The following XYLB variants were observed in gnomAD, a reference collection of about 807,000 sequenced individuals.
XYLB encodes xylulokinase, also known as xylulose kinase.
Under a neutral mutation model 78.7 loss-of-function variants are expected in XYLB, and 62 were observed. The ratio of observed to expected loss-of-function variants is 0.79; its 90% CI spans 0.64 to 0.97. The LOEUF (loss-of-function observed/expected upper bound fraction) is 0.97, where lower values mean the gene tolerates loss of function less well. Ranked by LOEUF, XYLB falls within the 50% of genes least tolerant of loss-of-function variation. The pLI is 0.00. For missense variants in XYLB, 687 were observed against 676.8 expected (o/e 1.02, Z -0.17); for synonymous variants, 245 against 247.4 (o/e 0.99, Z 0.09).
intron 15 of XYLB, among the ~76,000 whole-genome samples, chr3:38,381,456 A>T (rs1707140900): frequency 6.6e-6 from 1 of 152,252 alleles, no homozygotes; most frequent in South Asian, 2.1e-4. Context: ...GAACAGGATA[A>T]CAGCAATTGT....
chr3:38,415,824 G>A (rs150348784), downstream of XYLB, among the ~76,000 whole-genome samples: 658 of 152,216 alleles, frequency 4.3e-3, 5 homozygotes, highest in Middle Eastern at 0.034. Flanking sequence ...AATTTATAAA[G>A]AAAAGAGGTT....
At chr3:38,363,442 T>C (rs1250196786) in intron 4 of XYLB, among the ~76,000 whole-genome samples, 4 of 37,968 alleles carry the variant, frequency 1.1e-4, no homozygotes, top group South Asian at 2.2e-3. Context: ...TCAGAGGACA[T>C]TGACTGAGCA....
intron 15 of XYLB, among the ~76,000 whole-genome samples, chr3:38,379,811 C>T (rs1707060503): frequency 6.6e-6 from 1 of 152,214 alleles, no homozygotes; most frequent in Non-Finnish European, 1.5e-5. Flanking sequence ...ACTGTCAAAA[C>T]TCGGAAGACT....
At chr3:38,372,602 G>C (rs1706626983) in intron 9 of XYLB, 53 bp from the exon 10 acceptor site, 2 of 1,613,268 alleles carry the variant, frequency 1.2e-6, no homozygotes, top group African/African-American at 1.3e-5. Flanking sequence ...GGCTGTGCTG[G>C]GCAGGCGGGA....
In XYLB at chr3:38,365,712, C is replaced by T. The variant is rs1445415624; in HGVS notation, c.483C>T (p.Cys161=). 1 of 1,613,562 alleles carries T rather than the reference C, an allele frequency of 6.2e-7. No individual in the cohort carries two copies. The highest frequency in any genetic ancestry group is 1.7e-5 in the Admixed American group (1 of 59,990). Residue 161 remains cysteine (C), a synonymous_variant, in exon 6 of 19, where the codon TGC becomes TGT. Transcript: ENST00000207870. ...AAVGGAQALS[C]LTGSRAYERF... ...TGGGTGGTGCTCAGGCTCTCAGCTG[C>T]CTCACGGGGTCCCGTGCCTATGAGG... is the stretch of plus-strand genomic sequence containing the variant.
chr3:38,432,768 G>A, the XYLB span, among the ~76,000 whole-genome samples: 13 of 152,254 alleles, frequency 8.5e-5, no homozygotes, highest in African/African-American at 2.7e-4. Context: ...TGATGCAAGA[G>A]GTGGGCCCCC....
chr3:38,370,827 G>A lies in XYLB; in HGVS notation c.765+653G>A, dbSNP rs145511931. ...TGGACACTGGCTGTGAATGCCCTGG[G>A]GTGTTCTACTTGGCCAGCCCTGTTC... On this transcript the variant is annotated intron_variant, in intron 9 of 18. Coordinates refer to ENST00000207870, the MANE Select transcript of XYLB (RefSeq NM_005108.4). Among the ~76,000 whole-genome samples the A allele has an allele frequency of 5.1e-3, 773 of 152,298 alleles. 3 individuals are homozygous for A. Among genetic ancestry groups the A allele is most frequent in the Middle Eastern group, 0.017 (5 of 294 alleles).
Position 38,412,972 on chromosome 3 carries a change from G to A in XYLB, c.1570G>A (p.Glu524Lys), listed in dbSNP as rs1179648248. 3 of 1,605,192 alleles carry A rather than the reference G, an allele frequency of 1.9e-6. No homozygotes were observed. The highest frequency in any genetic ancestry group is 1.3e-5 in the African/African-American group (1 of 74,206). ...EALLPQYAKL[E>K]QRILSQTRGP... is the part of the protein sequence containing the mutation. ...CCTTCTCCCCCAGTATGCCAAACTCGAGCAGAGAATCTTGTCTCAGACCCG... is the reference window on the plus strand; with the variant it reads ...CCTTCTCCCCCAGTATGCCAAACTCAAGCAGAGAATCTTGTCTCAGACCCG... The change falls in exon 19 of 19, where the codon GAG (glutamate) becomes AAG (lysine). Residue 524 changes from glutamate to lysine, a missense_variant. Physicochemically the swap from Glu to Lys is moderately conservative, Grantham distance 56 (BLOSUM62 1). Coordinates refer to ENST00000207870, the MANE Select transcript of XYLB (RefSeq NM_005108.4).
chr3:38,447,773 C>A, the XYLB span, among the ~76,000 whole-genome samples: 1 of 152,060 alleles, frequency 6.6e-6, no homozygotes, highest in Non-Finnish European at 1.5e-5. Flanking sequence ...GAAAAGGAAT[C>A]AATATATTAA....
intron 18 of XYLB, among the ~76,000 whole-genome samples, chr3:38,402,236 G>A (rs753032329): frequency 1.3e-5 from 2 of 152,138 alleles, no homozygotes; most frequent in Non-Finnish European, 2.9e-5. Flanking sequence ...CACCAAAGGA[G>A]ACATTATCCT....
At chr3:38,411,446 A>G (rs1225551007) in intron 18 of XYLB, among the ~76,000 whole-genome samples, 2 of 151,984 alleles carry the variant, frequency 1.3e-5, no homozygotes, top group Non-Finnish European at 2.9e-5. Context: ...CGAGTTAATG[A>G]GTGCAGCACA....
the XYLB span, among the ~76,000 whole-genome samples, chr3:38,448,860 A>C: frequency 1.3e-5 from 2 of 152,170 alleles, no homozygotes; most frequent in South Asian, 4.1e-4. Flanking sequence ...GGGTGGAGCT[A>C]AACATTTCCC....
chr3:38,409,877 TA>T (rs1708499640), intron 18 of XYLB, among the ~76,000 whole-genome samples: 1 of 151,958 alleles, frequency 6.6e-6, no homozygotes, highest in Non-Finnish European at 1.5e-5. Context: ...CTCAATGAAA[TA>T]AAAGAGGTTA....
At chr3:38,372,316 T>C (rs536243452) in intron 9 of XYLB, 178 of 919,098 alleles carry the variant, frequency 1.9e-4, no homozygotes, top group Admixed American at 1.6e-3. Context: ...GTTACCTTTT[T>C]TTTTTTAATG....
intron 15 of XYLB, among the ~76,000 whole-genome samples, chr3:38,394,453 G>A (rs554899777): frequency 2.0e-5 from 3 of 152,172 alleles, no homozygotes; most frequent in African/African-American, 7.2e-5. Context: ...CCAAATAGAT[G>A]GACTATTGTC....
At chr3:38,398,416 C>T (rs1286744256) in intron 17 of XYLB, among the ~76,000 whole-genome samples, 3 of 150,760 alleles carry the variant, frequency 2.0e-5, no homozygotes, top group Non-Finnish European at 4.4e-5. Flanking sequence ...TGCAGTGAGC[C>T]GAGATTGCGC....
the XYLB span, among the ~76,000 whole-genome samples, chr3:38,437,578 TA>T: frequency 2.0e-5 from 3 of 152,228 alleles, no homozygotes; most frequent in African/African-American, 4.8e-5. Flanking sequence ...TTACAGGATA[TA>T]AAAAAATTGA....
chr3:38,367,250 T>C (rs1706315332), intron 7 of XYLB, among the ~76,000 whole-genome samples: 1 of 152,174 alleles, frequency 6.6e-6, no homozygotes, highest in Non-Finnish European at 1.5e-5. Flanking sequence ...ATAGAGTCAG[T>C]GTTTTCTTTG....
rs1706639747 is a variant in XYLB, at chr3:38,372,752, A to T, written c.847+16A>T. On this transcript the variant is annotated intron_variant, in intron 10 of 18. Transcript: ENST00000207870. ...GACAACCCAGGTGAGTATCTCGGGG[A>T]GTTTCACTCTCCAGTGAGCCTGACT... 6.2e-7 allele frequency: 1 copy of T among 1,613,452 alleles called. No homozygotes were observed. The highest frequency in any genetic ancestry group is 2.2e-5 in the East Asian group (1 of 44,858).
Sources: gnomAD v4.1 joint callset for allele counts (sites outside exome capture counted in the v4.1 genomes callset) on GRCh38, gnomAD v4.1.1 for gene constraint, MANE v1.5 for transcripts, NCBI Gene and HGNC (gene_info 2026-07-23, HGNC 2026-07-21) for gene names.